The following NAALADL2 variants were observed in gnomAD, a reference collection of about 807,000 sequenced individuals.
NAALADL2 encodes the protein inactive N-acetylated-alpha-linked acidic dipeptidase-like protein 2.
NAALADL2 carries 76 observed loss-of-function variants against 87.2 expected under a neutral mutation model. The ratio of observed to expected loss-of-function variants is 0.87; its 90% CI spans 0.72 to 1.05. NAALADL2 has a LOEUF of 1.05. NAALADL2 is among the 50% of genes least tolerant of loss of function. The pLI is 0.00. For missense variants in NAALADL2, 1,089 were observed against 945.8 expected, an observed-to-expected ratio of 1.15 and a Z score of -1.99; for synonymous variants, 354 against 331.0, an observed-to-expected ratio of 1.07 and a Z score of -0.75.
At chr3:174,779,353 C>A (rs1392943318) in intron 3 of NAALADL2, among the ~76,000 whole-genome samples, 2 of 151,404 alleles carry the variant, frequency 1.3e-5, no homozygotes, top group African/African-American at 4.9e-5. Flanking sequence ...TGTTTAAGTT[C>A]TTTGTAGATT....
In NAALADL2 at chr3:175,478,821, GCAGTA is replaced by G. The variant is rs539652366; in HGVS notation, c.1653+7071_1653+7075del. Among the ~76,000 whole-genome samples the G allele has an allele frequency of 1.6e-3, 248 of 151,902 alleles. 3 individuals are homozygous for G. Among genetic ancestry groups the G allele is most frequent in the African/African-American group, 5.6e-3 (234 of 41,516 alleles). The stretch of plus-strand genomic sequence containing the variant: ...AAAATTCTGTAACAGTATCATTAAT[GCAGTA>G]CAGTACACTTTTCCATTTAAAATAT... On this transcript the variant is annotated intron_variant, in intron 9 of 13. Transcript: ENST00000454872.
At chr3:174,931,467 T>TA (rs1736880232) in intron 1 of NAALADL2, among the ~76,000 whole-genome samples, 1 of 152,204 alleles carries the variant, frequency 6.6e-6, no homozygotes, top group South Asian at 2.1e-4. Context: ...TTTAATTATG[T>TA]AAAACACTTC....
At chr3:175,133,409 C>T (rs1728537968) in intron 2 of NAALADL2, among the ~76,000 whole-genome samples, 1 of 152,216 alleles carries the variant, frequency 6.6e-6, no homozygotes, top group Non-Finnish European at 1.5e-5. Context: ...GATATCACGC[C>T]ACTGCACTCC....
At chr3:175,272,080 A>G (rs187929955) in intron 4 of NAALADL2, among the ~76,000 whole-genome samples, 7 of 152,290 alleles carry the variant, frequency 4.6e-5, no homozygotes. Context: ...CTTCCAAACA[A>G]AAAGTAAGAA....
intron 2 of NAALADL2, chr3:175,115,190 C>T (rs1375376308): frequency 6.6e-6 from 1 of 151,494 alleles, no homozygotes; most frequent in Non-Finnish European, 1.5e-5. Context: ...CCTCTGACTC[C>T]TAGATATATA....
intron 1 of NAALADL2, among the ~76,000 whole-genome samples, chr3:175,087,927 AT>A (rs1288838158): frequency 2.6e-5 from 4 of 151,838 alleles, no homozygotes; most frequent in Non-Finnish European, 5.9e-5. Context: ...AAAAAAAAAA[AT>A]CTTGACTTTG....
At chr3:174,963,327 G>C (rs190947209) in intron 1 of NAALADL2, among the ~76,000 whole-genome samples, 101 of 151,986 alleles carry the variant, frequency 6.6e-4, no homozygotes, top group African/African-American at 2.3e-3. Context: ...ACATACCTGT[G>C]GTTATTTAAA....
At chr3:174,856,261 C>A (rs1725858994), upstream of NAALADL2, among the ~76,000 whole-genome samples, 2 of 152,080 alleles carry the variant, frequency 1.3e-5, no homozygotes, top group Admixed American at 6.6e-5. Flanking sequence ...CTGCCTCAGC[C>A]TCCCAAAGTG....
intron 13 of NAALADL2, among the ~76,000 whole-genome samples, chr3:175,800,301 C>G (rs993930284): frequency 2.0e-5 from 3 of 148,156 alleles, no homozygotes; most frequent in Non-Finnish European, 3.0e-5. Flanking sequence ...GCTACTCCAC[C>G]TGGGAGGTAA....
chr3:175,279,787 A>AGTGT (rs34107349), intron 4 of NAALADL2, among the ~76,000 whole-genome samples: 6,834 of 125,552 alleles, frequency 0.054, 166 homozygotes, highest in East Asian at 0.12. Context: ...ATAGTGTGTG[A>AGTGT]GTGTGTGTGT....
intron 1 of NAALADL2, among the ~76,000 whole-genome samples, chr3:175,089,278 A>G (rs1039749319): frequency 2.6e-5 from 4 of 152,188 alleles, no homozygotes; most frequent in Admixed American, 2.0e-4. Flanking sequence ...CCTGGTGCTT[A>G]GTGTCACTTT....
At chr3:174,741,322 T>A (rs1271532265) in intron 3 of NAALADL2, among the ~76,000 whole-genome samples, 23 of 151,706 alleles carry the variant, frequency 1.5e-4, no homozygotes, top group Admixed American at 1.4e-3. Context: ...TTAGGAAGAC[T>A]CAGTCTATTT....
chr3:175,495,576 G>T (rs758553419), intron 9 of NAALADL2, among the ~76,000 whole-genome samples: 2 of 151,916 alleles, frequency 1.3e-5, no homozygotes, highest in African/African-American at 4.8e-5. Flanking sequence ...CTGTCAGGGG[G>T]CCTTCAAGTT....
intron 11 of NAALADL2, among the ~76,000 whole-genome samples, chr3:175,642,070 G>T (rs1235007324): frequency 6.6e-6 from 1 of 152,126 alleles, no homozygotes; most frequent in African/African-American, 2.4e-5. Flanking sequence ...TCCCTGAAAA[G>T]ACCCTCCCTG....
intron 12 of NAALADL2, among the ~76,000 whole-genome samples, chr3:175,739,282 G>A (rs1009610932): frequency 7.2e-5 from 11 of 152,032 alleles, no homozygotes; most frequent in African/African-American, 2.7e-4. Flanking sequence ...TCCTTTTGTG[G>A]TTCATATTTG....
intron 5 of NAALADL2, among the ~76,000 whole-genome samples, chr3:175,376,571 A>G (rs191179718): frequency 6.0e-4 from 91 of 152,242 alleles, no homozygotes; most frequent in Non-Finnish European, 1.0e-3. Context: ...ACCTTAAGCC[A>G]TTTGGTTATG....
intron 11 of NAALADL2, among the ~76,000 whole-genome samples, chr3:175,711,877 A>G (rs922602614): frequency 6.6e-6 from 1 of 151,862 alleles, no homozygotes; most frequent in Non-Finnish European, 1.5e-5. Flanking sequence ...TCTATTTTAG[A>G]TGTAATTTTA....
At chr3:175,367,877 A>G (rs888481440) in intron 5 of NAALADL2, among the ~76,000 whole-genome samples, 1 of 152,182 alleles carries the variant, frequency 6.6e-6, no homozygotes, top group Non-Finnish European at 1.5e-5. Context: ...CCCTGGCCAG[A>G]ACTTCCAACA....
intron 1 of NAALADL2, among the ~76,000 whole-genome samples, chr3:174,983,034 G>A (rs1440818850): frequency 1.3e-5 from 2 of 152,092 alleles, no homozygotes; most frequent in Non-Finnish European, 2.9e-5. Context: ...TCCTGACCTC[G>A]TGATCCGCCT....
Sources: allele counts gnomAD v4.1 joint callset (sites outside exome capture counted in the v4.1 genomes callset), GRCh38; gene constraint gnomAD v4.1.1; transcripts MANE v1.5; gene names NCBI Gene and HGNC (gene_info 2026-07-23, HGNC 2026-07-21).